Variants in QRFPR observed in about 807,000 individuals in gnomAD.
QRFPR encodes the protein pyroglutamylated RF-amide peptide receptor.
QRFPR carries 37 observed loss-of-function variants against 31.3 expected under a neutral mutation model. That is an observed-to-expected ratio of 1.18 (90% CI 0.91 to 1.56). The LOEUF (loss-of-function observed/expected upper bound fraction) is 1.56, where lower values mean the gene tolerates loss of function less well. Ranked by LOEUF, QRFPR falls within the 40% of genes most tolerant of loss-of-function variation. The pLI is 0.00. For missense variants in QRFPR, 542 were observed against 532.5 expected (o/e 1.02, Z -0.18); for synonymous variants, 197 against 192.0 (o/e 1.03, Z -0.22).
intron 1 of QRFPR, among the ~76,000 whole-genome samples, chr4:121,341,145 G>A (rs776751283): frequency 6.6e-5 from 10 of 152,214 alleles, no homozygotes; most frequent in Non-Finnish European, 1.2e-4. Flanking sequence ...CGGTCTCAAA[G>A]TGGTGGCCAC....
rs1043310416 is a variant in QRFPR, at chr4:121,347,451, A to G, written c.341-6841T>C. On this transcript the variant is annotated intron_variant, in intron 1 of 5. Coordinates refer to ENST00000394427, the MANE Select transcript of QRFPR (RefSeq NM_198179.3). ...TATTGGTTCACTTTTGTCATTTCCC[A>G]CTGTTGCTTCTCCCACAGCTTCTAA... 4.6e-5 allele frequency among the ~76,000 whole-genome samples: 7 copies of G among 152,184 alleles called. No homozygotes were observed. In the South Asian group the frequency reaches 1.5e-3, roughly 32 times the overall value.
intron 1 of QRFPR, 96 bp downstream of exon 1, chr4:121,380,193 GAGAGAGAGAGAGAGAGAGA>G (rs1726450361): frequency 5.3e-6 from 1 of 188,550 alleles, no homozygotes; most frequent in Non-Finnish European, 8.9e-6. Flanking sequence ...AGAGGAGAGA[GAGAGAGAGAGAGAGAGAGA>G]GAGAGAGAGA....
intron 3 of QRFPR, among the ~76,000 whole-genome samples, chr4:121,336,032 C>T (rs1313831362): frequency 6.6e-6 from 1 of 152,274 alleles, no homozygotes; most frequent in Admixed American, 6.5e-5. Flanking sequence ...ATCTTAGGCT[C>T]ATTTGTTATC....
intron 4 of QRFPR, among the ~76,000 whole-genome samples, chr4:121,331,853 A>G (rs1725333642): frequency 6.6e-6 from 1 of 151,910 alleles, no homozygotes; most frequent in African/African-American, 2.4e-5. Flanking sequence ...GAGTTTCACC[A>G]TGTCGGTCAG....
At chr4:121,374,304 C>G (rs1315527864) in intron 1 of QRFPR, among the ~76,000 whole-genome samples, 1 of 152,194 alleles carries the variant, frequency 6.6e-6, no homozygotes, top group Non-Finnish European at 1.5e-5. Context: ...AGCATTCTGA[C>G]TGCCATTGCT....
At chr4:121,331,777 C>T (rs1725331927) in intron 4 of QRFPR, among the ~76,000 whole-genome samples, 1 of 151,794 alleles carries the variant, frequency 6.6e-6, no homozygotes, top group South Asian at 2.1e-4. Context: ...CTCAGCCTCC[C>T]AAGTAGCTGG....
At chr4:121,378,856 C>T (rs908892867) in intron 1 of QRFPR, among the ~76,000 whole-genome samples, 1 of 152,188 alleles carries the variant, frequency 6.6e-6, no homozygotes, top group Non-Finnish European at 1.5e-5. Context: ...TAAAATCCCA[C>T]TTTGCATAAT....
intron 1 of QRFPR, among the ~76,000 whole-genome samples, chr4:121,349,095 A>G (rs1725716053): frequency 6.7e-6 from 1 of 148,370 alleles, no homozygotes; most frequent in Admixed American, 6.9e-5. Flanking sequence ...AGAAGACTCC[A>G]TCTCAAAAAA....
intron 1 of QRFPR, among the ~76,000 whole-genome samples, chr4:121,346,953 T>A (rs72668970): frequency 6.6e-6 from 1 of 152,184 alleles, no homozygotes; most frequent in Non-Finnish European, 1.5e-5. Context: ...TGTGTGCCCA[T>A]GTTCATAAGA....
intron 1 of QRFPR, among the ~76,000 whole-genome samples, chr4:121,372,500 G>A (rs892628823): frequency 1.3e-5 from 2 of 152,012 alleles, no homozygotes; most frequent in Non-Finnish European, 2.9e-5. Context: ...TCACAGTGTC[G>A]TGCAATGAAC....
At chr4:121,345,744 A>G (rs1040750604) in intron 1 of QRFPR, among the ~76,000 whole-genome samples, 1 of 152,214 alleles carries the variant, frequency 6.6e-6, no homozygotes, top group African/African-American at 2.4e-5. Context: ...TGCCCAAAAC[A>G]TGGACCTTTT....
chr4:121,365,565 T>A lies in QRFPR; in HGVS notation c.340+14743A>T, dbSNP rs1173291000. Among the ~76,000 whole-genome samples the A allele has an allele frequency of 7.7e-3, 128 of 16,654 alleles. 11 individuals are homozygous for A. The highest frequency in any genetic ancestry group is 0.04 in the African/African-American group (91 of 2,248). 10.9% of individuals were successfully genotyped at this position (16,654 alleles called of 152,430 possible). On this transcript the variant is annotated intron_variant, in intron 1 of 5. Transcript: ENST00000394427. ...TATTATATATAATATATAATATATATTATATATAATATATATTATATATAT... is the reference window on the plus strand; with the variant it reads ...TATTATATATAATATATAATATATAATATATATAATATATATTATATATAT...
At chr4:121,364,990 A>T (rs761832010) in intron 1 of QRFPR, among the ~76,000 whole-genome samples, 2 of 149,758 alleles carry the variant, frequency 1.3e-5, no homozygotes, top group Non-Finnish European at 3.0e-5. Context: ...AGCTCCATAC[A>T]GCTGTTTTTT....
At chr4:121,367,949 C>A (rs759883439) in intron 1 of QRFPR, among the ~76,000 whole-genome samples, 1 of 147,420 alleles carries the variant, frequency 6.8e-6, no homozygotes, top group Non-Finnish European at 1.5e-5. Flanking sequence ...ATAGAAGACA[C>A]AAATAAATTA....
chr4:121,361,750 A>G (rs1017366865), intron 1 of QRFPR, among the ~76,000 whole-genome samples: 1 of 150,242 alleles, frequency 6.7e-6, no homozygotes, highest in Admixed American at 6.6e-5. Flanking sequence ...CTAAGGAACA[A>G]TATTTCCCAG....
chr4:121,359,151 G>A (rs533348921), intron 1 of QRFPR, among the ~76,000 whole-genome samples: 5 of 152,244 alleles, frequency 3.3e-5, no homozygotes, highest in Admixed American at 3.3e-4. Context: ...TGGTTTGGAA[G>A]CACCAATATG....
chr4:121,330,582 G>C, intron 4 of QRFPR, 59 bp from the exon 5 acceptor site: 4 of 1,246,226 alleles, frequency 3.2e-6, no homozygotes, highest in Middle Eastern at 1.9e-4. Flanking sequence ...GTGCCAGCTT[G>C]ATAGCAAAGC....
intron 1 of QRFPR, among the ~76,000 whole-genome samples, chr4:121,367,871 A>C (rs1726157103): frequency 1.1e-5 from 1 of 92,144 alleles, no homozygotes; most frequent in Non-Finnish European, 2.1e-5. Flanking sequence ...GCCAACCTAC[A>C]ACATTTGCAG....
intron 4 of QRFPR, among the ~76,000 whole-genome samples, chr4:121,332,139 C>T (rs1725339114): frequency 1.3e-5 from 2 of 152,126 alleles, no homozygotes; most frequent in Non-Finnish European, 2.9e-5. Context: ...TAAAATCCCA[C>T]CAAATCACCA....
Sources: allele counts gnomAD v4.1 joint callset (sites outside exome capture counted in the v4.1 genomes callset), GRCh38; gene constraint gnomAD v4.1.1; transcripts MANE v1.5; gene names NCBI Gene and HGNC (gene_info 2026-07-23, HGNC 2026-07-21).